DOCK1: variants seen among roughly 807,000 people sequenced by gnomAD.
DOCK1 encodes dedicator of cytokinesis protein 1.
DOCK1 carries 138 observed loss-of-function variants against 262.7 expected under a neutral mutation model. The observed-to-expected ratio is 0.53, with a 90% CI of 0.46 to 0.61. The LOEUF (loss-of-function observed/expected upper bound fraction) is 0.61. Ranked by LOEUF, DOCK1 falls within the 20% of genes least tolerant of loss-of-function variation. The pLI is 0.00. For synonymous variants in DOCK1, 866 were observed against 867.4 expected, an observed-to-expected ratio of 1.00 and a Z score of 0.03; for missense variants, 1,908 against 2,370.7, an observed-to-expected ratio of 0.80 and a Z score of 4.05.
chr10:127,308,665 T>TA (rs2061960072), intron 29 of DOCK1, among the ~76,000 whole-genome samples: 1 of 152,144 alleles, frequency 6.6e-6, no homozygotes, highest in Non-Finnish European at 1.5e-5. Flanking sequence ...AACTCCCACT[T>TA]ATGAGTGAGA....
At chr10:127,207,784 G>A (rs1589948350) in intron 27 of DOCK1, among the ~76,000 whole-genome samples, 1 of 152,164 alleles carries the variant, frequency 6.6e-6, no homozygotes, top group Non-Finnish European at 1.5e-5. Context: ...TAGACAAATG[G>A]GCAACTACTG....
intron 43 of DOCK1, among the ~76,000 whole-genome samples, chr10:127,414,481 A>G (rs73388627): frequency 0.029 from 4,470 of 152,312 alleles, 233 homozygotes; most frequent in African/African-American, 0.1. Flanking sequence ...TGTTTTACAA[A>G]GAACACATTG....
chr10:127,137,689 A>G, intron 27 of DOCK1: 1 of 655,852 alleles, frequency 1.5e-6, no homozygotes, highest in Non-Finnish European at 2.6e-6. Context: ...ATCTATTGGT[A>G]CAAAGGCCTT....
intron 24 of DOCK1, among the ~76,000 whole-genome samples, chr10:127,107,877 G>A (rs2048626925): frequency 1.3e-5 from 2 of 152,222 alleles, no homozygotes; most frequent in Non-Finnish European, 2.9e-5. Context: ...GATCAGCTCC[G>A]CACCCGCGGA....
At chr10:127,057,212 C>A (rs747570775) in intron 22 of DOCK1, among the ~76,000 whole-genome samples, 3 of 152,170 alleles carry the variant, frequency 2.0e-5, no homozygotes, top group Non-Finnish European at 2.9e-5. Context: ...CATCTTCTTA[C>A]CTGCAGCATG....
At chr10:127,373,593 C>T (rs1199566219) in intron 33 of DOCK1, among the ~76,000 whole-genome samples, 188 bp from the exon 34 acceptor site, 1 of 152,036 alleles carries the variant, frequency 6.6e-6, no homozygotes, top group Non-Finnish European at 1.5e-5. Flanking sequence ...ATGAGAGGTC[C>T]CCCTATGGCA....
chr10:127,387,250 T>A (rs544807745), intron 38 of DOCK1, among the ~76,000 whole-genome samples: 29 of 152,362 alleles, frequency 1.9e-4, no homozygotes, highest in African/African-American at 6.5e-4. Flanking sequence ...CCCTTCTGCG[T>A]CCTGAAATGC....
intron 29 of DOCK1, among the ~76,000 whole-genome samples, chr10:127,305,569 T>C (rs2061843114): frequency 6.6e-6 from 1 of 151,936 alleles, no homozygotes; most frequent in African/African-American, 2.4e-5. Context: ...CTGGGAACAG[T>C]AAAGAAATGA....
intron 27 of DOCK1, among the ~76,000 whole-genome samples, chr10:127,133,991 A>G (rs760249954): frequency 5.5e-4 from 83 of 152,212 alleles, no homozygotes; most frequent in Non-Finnish European, 9.4e-4. Context: ...CTGCAGCCAA[A>G]CTGCCCTGAT....
chr10:126,931,990 G>A (rs1367660607), intron 1 of DOCK1, among the ~76,000 whole-genome samples: 1 of 152,116 alleles, frequency 6.6e-6, no homozygotes, highest in African/African-American at 2.4e-5. Context: ...TTAGCAAGAT[G>A]GAATAAAAGT....
chr10:127,002,326 C>T (rs755259532), intron 10 of DOCK1, among the ~76,000 whole-genome samples: 4 of 152,288 alleles, frequency 2.6e-5, no homozygotes, highest in East Asian at 1.9e-4. Context: ...TAAGTTCCTA[C>T]GAATGCGTAG....
intron 27 of DOCK1, among the ~76,000 whole-genome samples, chr10:127,145,301 A>G (rs2051700257): frequency 6.6e-6 from 1 of 152,154 alleles, no homozygotes; most frequent in African/African-American, 2.4e-5. Flanking sequence ...GTTCTCCATG[A>G]GGAAAGACAC....
chr10:127,366,434 C>G (rs1221055729), intron 33 of DOCK1, among the ~76,000 whole-genome samples: 2 of 152,114 alleles, frequency 1.3e-5, no homozygotes, highest in Non-Finnish European at 2.9e-5. Context: ...CTGGCCTTTG[C>G]TTGCTCCCCT....
At chr10:127,394,478 T>C (rs895356503) in intron 38 of DOCK1, among the ~76,000 whole-genome samples, 1 of 152,122 alleles carries the variant, frequency 6.6e-6, no homozygotes, top group Non-Finnish European at 1.5e-5. Context: ...AATTTTCACA[T>C]CTTCTAAGTT....
At chr10:126,913,571 G>A (rs542276275) in intron 1 of DOCK1, among the ~76,000 whole-genome samples, 57 of 152,306 alleles carry the variant, frequency 3.7e-4, no homozygotes, top group African/African-American at 1.3e-3. Context: ...GGCTTGGCTC[G>A]TGACAAATAA....
At chr10:127,313,115 G>T (rs886528502) in intron 29 of DOCK1, among the ~76,000 whole-genome samples, 1 of 152,084 alleles carries the variant, frequency 6.6e-6, no homozygotes. Flanking sequence ...CCAGACCTCA[G>T]CTGTGTGACC....
intron 48 of DOCK1, 34 bp downstream of exon 48, chr10:127,433,462 A>G: frequency 3.1e-6 from 5 of 1,609,686 alleles, no homozygotes; most frequent in Non-Finnish European, 4.2e-6. Context: ...TGAGCTGAGC[A>G]GTGAGGGCTT....
intron 27 of DOCK1, among the ~76,000 whole-genome samples, chr10:127,202,909 C>CT (rs2057537358): frequency 6.6e-6 from 1 of 152,190 alleles, no homozygotes; most frequent in Non-Finnish European, 1.5e-5. Flanking sequence ...AAAATGCCAA[C>CT]TGCTCATGCC....
chr10:127,379,820 A>G (rs1044189440), intron 35 of DOCK1, among the ~76,000 whole-genome samples: 1 of 152,334 alleles, frequency 6.6e-6, no homozygotes, highest in African/African-American at 2.4e-5. Flanking sequence ...ATTGAAGACA[A>G]GTGACTTTCA....
Sources: allele counts gnomAD v4.1 joint callset (sites outside exome capture counted in the v4.1 genomes callset), GRCh38; gene constraint gnomAD v4.1.1; transcripts MANE v1.5; gene names NCBI Gene and HGNC (gene_info 2026-07-23, HGNC 2026-07-21).